The following SLC5A7 variants were observed in gnomAD, a reference collection of about 807,000 sequenced individuals.
SLC5A7 encodes the protein solute carrier family 5 member 7.
Under a neutral mutation model 55.4 loss-of-function variants are expected in SLC5A7, and 19 were observed. The ratio of observed to expected loss-of-function variants is 0.34; its 90% CI spans 0.24 to 0.50. The LOEUF is 0.50. Ranked by LOEUF, SLC5A7 falls within the 20% of genes least tolerant of loss-of-function variation. The pLI is 0.98. For synonymous variants in SLC5A7, 265 were observed against 263.7 expected (o/e 1.00, Z -0.05); for missense variants, 506 against 705.3 (o/e 0.72, Z 3.20).
chr2:107,987,949 C>G lies in SLC5A7; in HGVS notation c.-51-156C>G, dbSNP rs902921878. 1.3e-5 allele frequency among the ~76,000 whole-genome samples: 2 copies of G among 151,972 alleles called. 1 individual carries two copies. Among genetic ancestry groups the G allele is most frequent in the South Asian group, 4.1e-4 (2 of 4,824 alleles). ...AATAGAAGTAGGATAATGTAGTGGA[C>G]ACTTATTGTTAACTGCCCGTTTCAC... On this transcript the variant is annotated intron_variant, in intron 1 of 8. Transcript: ENST00000264047.
intron 4 of SLC5A7, among the ~76,000 whole-genome samples, chr2:107,993,948 G>A (rs1019886467): frequency 1.4e-4 from 21 of 152,216 alleles, no homozygotes; most frequent in Non-Finnish European, 1.2e-4. Flanking sequence ...AAAAATTTAA[G>A]TATGGTAGAA....
chr2:108,009,393 A>C (rs554648472), intron 8 of SLC5A7, among the ~76,000 whole-genome samples: 2 of 152,184 alleles, frequency 1.3e-5, no homozygotes, highest in Admixed American at 6.5e-5. Context: ...GGTTTGTTAC[A>C]TAAGTGTATG....
chr2:108,005,898 A>T lies in SLC5A7; in HGVS notation c.742-151A>T, dbSNP rs1327708660. ...ACATAAACATCAGATCATAGCAAAC[A>T]TAATGATACTAATTGATATTTGTGG... On this transcript the variant is annotated intron_variant, in intron 6 of 8. Coordinates refer to ENST00000264047, the MANE Select transcript of SLC5A7 (RefSeq NM_021815.5). The T allele has an allele frequency of 3.4e-6, 3 of 879,018 alleles. No individual in the cohort carries two copies. In the South Asian group the frequency reaches 5.5e-5, roughly 16 times the overall value. The allele number at this position is 879,018 out of a possible 1,614,324, so 54.5% of individuals were successfully genotyped here. A position where few individuals can be genotyped will look rare whatever the true frequency, so the allele number is the denominator to read the frequency against.
intron 6 of SLC5A7, among the ~76,000 whole-genome samples, chr2:108,004,009 G>T (rs1342172810): frequency 6.6e-6 from 1 of 151,998 alleles, no homozygotes; most frequent in Non-Finnish European, 1.5e-5. Context: ...TCTTAAAAGG[G>T]CCCTAATCCC....
chr2:108,009,466 C>A (rs1678234342), intron 8 of SLC5A7, among the ~76,000 whole-genome samples: 1 of 151,950 alleles, frequency 6.6e-6, no homozygotes, highest in South Asian at 2.1e-4. Flanking sequence ...TGCACCACCC[C>A]CCACGCCCCC....
chr2:107,989,218 A>G (rs1677354409), intron 2 of SLC5A7, among the ~76,000 whole-genome samples: 1 of 152,240 alleles, frequency 6.6e-6, no homozygotes, highest in Non-Finnish European at 1.5e-5. Flanking sequence ...GTCTTAGTAG[A>G]GTTTTTAAAC....
intron 5 of SLC5A7, 128 bp from the exon 6 acceptor site, chr2:108,001,769 T>C: frequency 1.1e-6 from 1 of 901,888 alleles, no homozygotes; most frequent in East Asian, 2.6e-5. Context: ...GAGAACATGA[T>C]TTCCGATCCT....
rs147930816 is a variant in SLC5A7, at chr2:108,009,698, AT to A, written c.1114-533del. ...GGTATACATGTGCCACATTTTCTTT[AT>A]CCAGTCTATCACTGATGGGCATTTG... On this transcript the variant is annotated intron_variant, in intron 8 of 8. Coordinates refer to ENST00000264047, the MANE Select transcript of SLC5A7 (RefSeq NM_021815.5). 3.5e-3 allele frequency among the ~76,000 whole-genome samples: 526 copies of A among 152,150 alleles called. 1 individual carries two copies. The highest frequency in any genetic ancestry group is 5.3e-3 in the Non-Finnish European group (361 of 68,008).
Position 107,997,703 on chromosome 2 carries a change from T to C in SLC5A7, c.449-135T>C, listed in dbSNP as rs537642794. The C allele has an allele frequency of 1.6e-5, 12 of 771,794 alleles. No individual in the cohort carries two copies. The South Asian group carries it at 3.4e-4, about 22-fold the overall frequency. The allele number at this position is 771,794 out of a possible 1,614,324, so 47.8% of individuals were successfully genotyped here. ...CAAATTTCAATATAAAAATTAACTT[T>C]AGGTGTTTTCATCCACTGCATTTCA... On this transcript the variant is annotated intron_variant, in intron 4 of 8. Coordinates refer to ENST00000264047, the MANE Select transcript of SLC5A7 (RefSeq NM_021815.5).
intron 8 of SLC5A7, among the ~76,000 whole-genome samples, chr2:108,009,471 G>A (rs947005118): frequency 1.3e-5 from 2 of 151,566 alleles, no homozygotes; most frequent in Middle Eastern, 3.2e-3. Flanking sequence ...CACCCCCCAC[G>A]CCCCCCAACA....
At chr2:108,009,231 A>G (rs1002337074) in intron 8 of SLC5A7, among the ~76,000 whole-genome samples, 1 of 152,126 alleles carries the variant, frequency 6.6e-6, no homozygotes, top group Non-Finnish European at 1.5e-5. Flanking sequence ...GGTTTTAGTT[A>G]ACAAAACAAT....
chr2:107,999,955 A>G (rs1677820080), intron 5 of SLC5A7, among the ~76,000 whole-genome samples: 1 of 152,226 alleles, frequency 6.6e-6, no homozygotes, highest in Non-Finnish European at 1.5e-5. Flanking sequence ...TGTCTATGTT[A>G]TTAAATTTCA....
intron 7 of SLC5A7, among the ~76,000 whole-genome samples, chr2:108,007,472 G>A (rs1424878376): frequency 3.1e-5 from 1 of 32,660 alleles, no homozygotes; most frequent in Non-Finnish European, 5.0e-5. Flanking sequence ...ATATGGACGT[G>A]TGTGTGTCTG....
chr2:107,998,413 G>A (rs1275369051), intron 5 of SLC5A7, among the ~76,000 whole-genome samples: 1 of 152,142 alleles, frequency 6.6e-6, no homozygotes, highest in African/African-American at 2.4e-5. Context: ...TTGGAAAACT[G>A]TGGATTTCAA....
chr2:107,999,050 T>C (rs1677784514), intron 5 of SLC5A7, among the ~76,000 whole-genome samples: 1 of 152,202 alleles, frequency 6.6e-6, no homozygotes, highest in Non-Finnish European at 1.5e-5. Context: ...GCAGTTTAAC[T>C]ATAAATTTAC....
Position 108,012,155 on chromosome 2 carries a change from ACACT to A in SLC5A7, c.*1297_*1300del, listed in dbSNP as rs1200529052. 2 of 152,074 alleles carry A rather than the reference ACACT, an allele frequency of 1.3e-5. No individual in the cohort carries two copies. Among genetic ancestry groups the A allele is most frequent in the African/African-American group, 4.8e-5 (2 of 41,388 alleles). 9.4% of individuals were successfully genotyped at this position (152,074 alleles called of 1,614,324 possible). A position where few individuals can be genotyped will look rare whatever the true frequency, so the allele number is the denominator to read the frequency against. ...GCTCCTTTTCTGGTGTTACACATAC[ACACT>A]CATACGTGTGTGTGTGTGTATGTGT... is the stretch of plus-strand genomic sequence containing the variant. On this transcript the variant is annotated 3_prime_UTR_variant, in exon 9 of 9. Transcript: ENST00000264047.
intron 5 of SLC5A7, among the ~76,000 whole-genome samples, chr2:107,999,116 A>G (rs982970880): frequency 2.0e-5 from 3 of 152,202 alleles, no homozygotes; most frequent in Non-Finnish European, 4.4e-5. Flanking sequence ...TTTTATTTGC[A>G]TTTCATGGAA....
intron 4 of SLC5A7, among the ~76,000 whole-genome samples, chr2:107,993,659 A>T (rs1304621652): frequency 3.3e-5 from 5 of 152,220 alleles, no homozygotes; most frequent in Admixed American, 3.3e-4. Flanking sequence ...ATAAACACAG[A>T]TATAAAACTA....
chr2:107,989,885 G>T (rs965326775), intron 2 of SLC5A7, among the ~76,000 whole-genome samples: 3 of 151,864 alleles, frequency 2.0e-5, no homozygotes, highest in Admixed American at 6.6e-5. Flanking sequence ...ATTTAGAATG[G>T]TTTTTTTCAA....
Sources: allele counts gnomAD v4.1 joint callset (sites outside exome capture counted in the v4.1 genomes callset), GRCh38; gene constraint gnomAD v4.1.1; transcripts MANE v1.5; gene names NCBI Gene and HGNC (gene_info 2026-07-23, HGNC 2026-07-21).